Variants in SLFN5 observed in about 807,000 individuals in gnomAD.
The protein encoded by SLFN5 is schlafen family member 5.
In SLFN5, 34 loss-of-function variants were observed where a neutral mutation model predicts 48.5. The observed-to-expected ratio is 0.70, with a 90% CI of 0.53 to 0.93. The LOEUF is 0.93. Among genes scored for constraint, SLFN5 ranks in the 40% least tolerant of loss-of-function variants. SLFN5 has a pLI of 0.00. For missense variants in SLFN5, 1,006 were observed against 1,071.3 expected, an observed-to-expected ratio of 0.94 and a Z score of 0.85; for synonymous variants, 387 against 396.2, an observed-to-expected ratio of 0.98 and a Z score of 0.28.
Position 35,259,302 on chromosome 17 carries a change from G to A in SLFN5, c.612G>A (p.Val204=), listed in dbSNP as rs144937987. The part of the protein sequence containing the change: ...HVEFVMFSTD[V]SHCVKDRLPK... ...AATTTGTAATGTTCTCGACAGACGT[G>A]TCACACTGTGTTAAAGACAGACTTC... is the stretch of plus-strand genomic sequence containing the variant. Residue 204 remains valine (V), a synonymous_variant, in exon 2 of 5, where the codon GTG becomes GTA. Transcript: ENST00000299977. The A allele has an allele frequency of 2.6e-3, 4,202 of 1,614,146 alleles. 23 individuals carry two copies. The highest frequency in any genetic ancestry group is 4.5e-3 in the Middle Eastern group (27 of 6,062).
chr17:35,250,398 G>A (rs12953259), intron 1 of SLFN5, among the ~76,000 whole-genome samples: 3 of 152,096 alleles, frequency 2.0e-5, no homozygotes, highest in Non-Finnish European at 4.4e-5. Context: ...GGTGGCTCAC[G>A]CCTGTAATCC....
rs73278982 is a variant in SLFN5 at position 35,271,411 on chromosome 17, C to T, written c.*5523C>T. The T allele has an allele frequency of 1.3e-5, 2 of 152,104 alleles. No individual in the cohort carries two copies. Among genetic ancestry groups the T allele is most frequent in the Non-Finnish European group, 2.9e-5 (2 of 68,020 alleles). The allele number at this position is 152,104 out of a possible 1,614,324, so 9.4% of individuals were successfully genotyped here. On this transcript the variant is annotated 3_prime_UTR_variant, in exon 5 of 5. Transcript: ENST00000299977. ...AGTGAAACATAAGGTTAAGTCTATA[C>T]ATATTATTTTCTAATTGCCTATTAT... is the stretch of plus-strand genomic sequence containing the variant.
rs1197435588 is a variant in SLFN5 at position 35,272,218 on chromosome 17, T to G, written c.*6330T>G. Reference sequence around the variant, plus strand: ...AAGATGAAATGGCCAAAAATAAATTTAAAATACATGTTGAAATGTATTAAC... The same window carrying G: ...AAGATGAAATGGCCAAAAATAAATTGAAAATACATGTTGAAATGTATTAAC... On this transcript the variant is annotated 3_prime_UTR_variant, in exon 5 of 5. Transcript: ENST00000299977. 1 of 152,168 alleles carries G rather than the reference T, an allele frequency of 6.6e-6. No homozygotes were observed. The highest frequency in any genetic ancestry group is 2.4e-5 in the African/African-American group (1 of 41,434). 9.4% of individuals were successfully genotyped at this position (152,168 alleles called of 1,614,324 possible). A position where few individuals can be genotyped will look rare whatever the true frequency, so the allele number is the denominator to read the frequency against.
Position 35,271,641 on chromosome 17 carries a change from A to G in SLFN5, c.*5753A>G, listed in dbSNP as rs1904833820. The G allele has an allele frequency of 6.6e-6, 1 of 152,258 alleles. No individual in the cohort carries two copies. Among genetic ancestry groups the G allele is most frequent in the Non-Finnish European group, 1.5e-5 (1 of 68,046 alleles). 9.4% of individuals were successfully genotyped at this position (152,258 alleles called of 1,614,324 possible). A position where few individuals can be genotyped will look rare whatever the true frequency, so the allele number is the denominator to read the frequency against. On this transcript the variant is annotated 3_prime_UTR_variant, in exon 5 of 5. Transcript: ENST00000299977. ...TTTTTGGATAAGAAGATTAAAAATT[A>G]TAAATATATCAATTTTCACTGTTAA...
rs1904886087 is a variant in SLFN5, at chr17:35,273,526, G to T, written c.*7638G>T. On this transcript the variant is annotated 3_prime_UTR_variant, in exon 5 of 5. Transcript: ENST00000299977. ...ATGAATAATGATGTGTGGAGAGTGG[G>T]GAGGGTTTACATATGAAAAATGTAG... 1 of 151,910 alleles carries T rather than the reference G, an allele frequency of 6.6e-6. No individual in the cohort carries two copies. Among genetic ancestry groups the T allele is most frequent in the Non-Finnish European group, 1.5e-5 (1 of 67,992 alleles). The allele number at this position is 151,910 out of a possible 1,614,324, so 9.4% of individuals were successfully genotyped here.
chr17:35,262,244 G>T (rs891716658), intron 3 of SLFN5, among the ~76,000 whole-genome samples: 2 of 151,766 alleles, frequency 1.3e-5, no homozygotes, highest in African/African-American at 2.4e-5. Context: ...GCTGGGTGTG[G>T]TGGCATGCGC....
At chr17:35,261,734 G>A (rs908786226) in intron 3 of SLFN5, among the ~76,000 whole-genome samples, 1 of 141,508 alleles carries the variant, frequency 7.1e-6, no homozygotes, top group Non-Finnish European at 1.5e-5. Flanking sequence ...GGAGTGCAAC[G>A]GTGAAACTTT....
chr17:35,246,127 A>G (rs1357321075), intron 1 of SLFN5, among the ~76,000 whole-genome samples: 1 of 152,128 alleles, frequency 6.6e-6, no homozygotes, highest in Non-Finnish European at 1.5e-5. Context: ...ATTTGTATCC[A>G]TATATTTTCT....
Position 35,265,460 on chromosome 17 carries a change from T to G in SLFN5, c.2248T>G (p.Trp750Gly), listed in dbSNP as rs1334669209. 9.3e-6 allele frequency: 15 copies of G among 1,614,102 alleles called. No individual in the cohort carries two copies. Among genetic ancestry groups the G allele is most frequent in the Non-Finnish European group, 1.3e-5 (15 of 1,180,050 alleles). ...CCTGGTGATGCTCTATGAACCTAAA[T>G]GGGCTCAAGGTGTCCCAGGCAACTT... ...GSLVMLYEPKWAQGVPGNLEI... is the reference protein window; with the variant it reads ...GSLVMLYEPKGAQGVPGNLEI... The change falls in exon 5 of 5, where the codon TGG becomes GGG. Residue 750 changes from tryptophan (W) to glycine (G), a missense_variant. Coordinates refer to ENST00000299977, the MANE Select transcript of SLFN5 (RefSeq NM_144975.4).
chr17:35,243,193 C>G (rs891253601), intron 1 of SLFN5, 50 bp downstream of exon 1: 1 of 152,358 alleles, frequency 6.6e-6, no homozygotes, highest in South Asian at 2.1e-4. Flanking sequence ...AAACCTCCCC[C>G]CGGTCTGCGC....
At chr17:35,257,226 C>T (rs1014036994) in intron 1 of SLFN5, among the ~76,000 whole-genome samples, 2 of 152,142 alleles carry the variant, frequency 1.3e-5, no homozygotes, top group African/African-American at 4.8e-5. Flanking sequence ...TTACATTTCC[C>T]ACTGAACAGT....
rs1443135356 is a variant in SLFN5 at position 35,271,946 on chromosome 17, A to T, written c.*6058A>T. The stretch of plus-strand genomic sequence containing the variant: ...CTCGGGAGGCTGAGGTGGGAGAATC[A>T]CCCAAGCCTTGGGAGGTCGAGGCTG... On this transcript the variant is annotated 3_prime_UTR_variant, in exon 5 of 5. Coordinates refer to ENST00000299977, the MANE Select transcript of SLFN5 (RefSeq NM_144975.4). 6.6e-6 allele frequency: 1 copy of T among 151,824 alleles called. No individual in the cohort carries two copies. Among genetic ancestry groups the T allele is most frequent in the East Asian group, 1.9e-4 (1 of 5,184 alleles). 9.4% of individuals were successfully genotyped at this position (151,824 alleles called of 1,614,324 possible).
At chr17:35,254,072 A>G (rs529542556) in intron 1 of SLFN5, among the ~76,000 whole-genome samples, 1 of 152,306 alleles carries the variant, frequency 6.6e-6, no homozygotes, top group East Asian at 1.9e-4. Flanking sequence ...ATTTTTTATC[A>G]GAACAATATT....
In SLFN5 at chr17:35,259,114, C is replaced by G. The variant is rs752152324; in HGVS notation, c.424C>G (p.Gln142Glu). The G allele has an allele frequency of 8.1e-6, 13 of 1,614,038 alleles. No individual in the cohort carries two copies. The highest frequency in any genetic ancestry group is 1.3e-5 in the African/African-American group (1 of 74,908). ...EALAFLKCRT[Q>E]TPTNINVSNS... ...TCTGGCATTCCTCAAATGCAGGACT[C>G]AGACTCCAACGAATATTAATGTTTC... The change falls in exon 2 of 5, where the codon CAG becomes GAG. Residue 142 changes from glutamine (Q) to glutamate (E), a missense_variant. Transcript: ENST00000299977.
Position 35,264,210 on chromosome 17 carries a change from C to T in SLFN5, c.1166C>T (p.Pro389Leu). 1 of 1,611,538 alleles carries T rather than the reference C, an allele frequency of 6.2e-7. No homozygotes were observed. The highest frequency in any genetic ancestry group is 8.5e-7 in the Non-Finnish European group (1 of 1,179,122). The change falls in exon 4 of 5, where the codon CCA becomes CTA. Residue 389 changes from proline (P) to leucine (L), a missense_variant. Physicochemically the swap from Pro to Leu is moderately conservative, Grantham distance 98. Coordinates refer to ENST00000299977, the MANE Select transcript of SLFN5 (RefSeq NM_144975.4). ...TTTTCAGACAGAGTGGTATATACTC[C>T]AGAAAGCCTCTACAAGGAACTCTTC... ...PVFSDRVVYT[P>L]ESLYKELFSQ...
intron 3 of SLFN5, among the ~76,000 whole-genome samples, chr17:35,261,824 T>C (rs1904529336): frequency 6.6e-6 from 1 of 151,724 alleles, no homozygotes. Flanking sequence ...TAGAGGCGCA[T>C]GCCACCACAC....
At chr17:35,262,029 A>T (rs1904535897) in intron 3 of SLFN5, among the ~76,000 whole-genome samples, 1 of 151,740 alleles carries the variant, frequency 6.6e-6, no homozygotes, top group Non-Finnish European at 1.5e-5. Flanking sequence ...TTTCATTTTT[A>T]AACAATGCTA....
intron 3 of SLFN5, among the ~76,000 whole-genome samples, chr17:35,263,413 G>A (rs961065380): frequency 4.1e-4 from 62 of 152,150 alleles, no homozygotes; most frequent in African/African-American, 1.5e-3. Context: ...TTACAGGCAT[G>A]AGCCACCACG....
Position 35,266,141 on chromosome 17 carries a change from GATGTGTGTGTGTGTGTGT to G in SLFN5, c.*254_*271del, listed in dbSNP as rs1904679910. 1 of 350,302 alleles carries G rather than the reference GATGTGTGTGTGTGTGTGT, an allele frequency of 2.9e-6. No individual in the cohort carries two copies. Among genetic ancestry groups the G allele is most frequent in the South Asian group, 3.8e-5 (1 of 26,312 alleles). 21.7% of individuals were successfully genotyped at this position (350,302 alleles called of 1,614,324 possible). ...TAATTAGAGGACCGTGAGACTCAGA[GATGTGTGTGTGTGTGTGT>G]GTGTGTGTGTGTGTGTGTGCGCGCG... is the stretch of plus-strand genomic sequence containing the variant. On this transcript the variant is annotated 3_prime_UTR_variant, in exon 5 of 5. Coordinates refer to ENST00000299977, the MANE Select transcript of SLFN5 (RefSeq NM_144975.4).
Sources: gnomAD v4.1 joint callset for allele counts (sites outside exome capture counted in the v4.1 genomes callset) on GRCh38, gnomAD v4.1.1 for gene constraint, MANE v1.5 for transcripts, NCBI Gene and HGNC (gene_info 2026-07-23, HGNC 2026-07-21) for gene names.